GDPD5: variants seen among roughly 807,000 people sequenced by gnomAD.
GDPD5 encodes glycerophosphodiester phosphodiesterase 2.
A neutral mutation model predicts 75.1 loss-of-function variants in GDPD5; 48 were observed. The observed-to-expected ratio is 0.64, with a 90% confidence interval of 0.51 to 0.81. The LOEUF (loss-of-function observed/expected upper bound fraction) is 0.81. GDPD5 is among the 40% of genes least tolerant of loss of function. The pLI is 0.00. For missense variants in GDPD5, 706 were observed against 822.6 expected (o/e 0.86, Z 1.73); for synonymous variants, 336 against 339.0 (o/e 0.99, Z 0.10).
chr11:75,522,188 T>C (rs1941487005), intron 1 of GDPD5, among the ~76,000 whole-genome samples: 1 of 152,182 alleles, frequency 6.6e-6, no homozygotes. Context: ...AAGTGCCGTG[T>C]GTTTCACACA....
At chr11:75,499,988 T>C (rs1362625476) in intron 1 of GDPD5, among the ~76,000 whole-genome samples, 1 of 152,144 alleles carries the variant, frequency 6.6e-6, no homozygotes, top group Non-Finnish European at 1.5e-5. Flanking sequence ...GCTACCACCA[T>C]ACCCTGCAGA....
rs1351895828 is a variant in GDPD5 at position 75,442,814 on chromosome 11, C to T, written c.949-233G>A. The T allele has an allele frequency of 2.2e-5, 13 of 604,396 alleles. No individual in the cohort carries two copies. The East Asian group carries it at 2.8e-4, about 13-fold the overall frequency. 37.4% of individuals were successfully genotyped at this position (604,396 alleles called of 1,614,324 possible). ...CGGCTTGCTTGGAATCGCTCCCAGA[C>T]CCACAGCATTTCTCCTTCTAGAGCA... On this transcript the variant is annotated intron_variant, in intron 11 of 16. Coordinates refer to ENST00000336898, the MANE Select transcript of GDPD5 (RefSeq NM_030792.8).
chr11:75,500,104 C>A (rs957448061), intron 1 of GDPD5, among the ~76,000 whole-genome samples: 1 of 152,306 alleles, frequency 6.6e-6, no homozygotes, highest in East Asian at 1.9e-4. Flanking sequence ...AGCACCACCC[C>A]CTCCAGGCAC....
chr11:75,469,120 T>C (rs945031286), intron 3 of GDPD5, among the ~76,000 whole-genome samples: 1 of 152,214 alleles, frequency 6.6e-6, no homozygotes, highest in East Asian at 1.9e-4. Context: ...GCCAGGTTGA[T>C]TGCCTTCCCC....
chr11:75,448,083 C>T (rs1002991272), intron 9 of GDPD5, among the ~76,000 whole-genome samples: 21 of 152,270 alleles, frequency 1.4e-4, no homozygotes, highest in African/African-American at 5.1e-4. Context: ...TGTGAGACCC[C>T]CTTACTACCC....
At chr11:75,514,772 T>C (rs139574622) in intron 1 of GDPD5, among the ~76,000 whole-genome samples, 1 of 152,300 alleles carries the variant, frequency 6.6e-6, no homozygotes, top group East Asian at 1.9e-4. Context: ...TGGACTTCAA[T>C]TAGTCTCAAG....
At chr11:75,497,078 C>A (rs543294861) in intron 1 of GDPD5, among the ~76,000 whole-genome samples, 1 of 152,010 alleles carries the variant, frequency 6.6e-6, no homozygotes, top group Non-Finnish European at 1.5e-5. Flanking sequence ...CCACCATGTC[C>A]GGCTGCAGTA....
chr11:75,439,060 T>A (rs1397202441), intron 15 of GDPD5, among the ~76,000 whole-genome samples: 4 of 152,054 alleles, frequency 2.6e-5, no homozygotes, highest in Non-Finnish European at 5.9e-5. Context: ...GACACTTTGG[T>A]GCAGAGAGGG....
intron 12 of GDPD5, 53 bp downstream of exon 12, chr11:75,442,310 G>A: frequency 7.4e-7 from 1 of 1,352,138 alleles, no homozygotes; most frequent in Non-Finnish European, 1.0e-6. Flanking sequence ...GCAGCAGCAG[G>A]GCTCTAGCCA....
intron 14 of GDPD5, among the ~76,000 whole-genome samples, chr11:75,440,349 C>T (rs1207542426): frequency 6.6e-6 from 1 of 152,138 alleles, no homozygotes; most frequent in Admixed American, 6.5e-5. Context: ...TTTCCCCAGG[C>T]TGCCTTCCCT....
chr11:75,455,191 T>C, intron 6 of GDPD5: 2 of 421,162 alleles, frequency 4.7e-6, no homozygotes, highest in Non-Finnish European at 9.5e-6. Context: ...GAATCAAGCA[T>C]GTGTGACCTT....
chr11:75,453,358 C>T (rs898592423), intron 6 of GDPD5, among the ~76,000 whole-genome samples: 9 of 152,162 alleles, frequency 5.9e-5, no homozygotes, highest in African/African-American at 2.2e-4. Context: ...GTGGATCATG[C>T]CTGTAGTCCC....
intron 2 of GDPD5, among the ~76,000 whole-genome samples, chr11:75,479,990 T>C (rs1949871525): frequency 6.6e-6 from 1 of 152,226 alleles, no homozygotes; most frequent in Non-Finnish European, 1.5e-5. Context: ...TTTGGGTTGT[T>C]ATACATAATG....
At chr11:75,468,679 G>GC (rs71036054) in intron 3 of GDPD5, among the ~76,000 whole-genome samples, 3,568 of 144,408 alleles carry the variant, frequency 0.025, 76 homozygotes, top group Middle Eastern at 0.065. Flanking sequence ...CTCCCCCGAC[G>GC]CCCCCCCCCC....
rs762768246 is a variant in GDPD5 at position 75,437,009 on chromosome 11, C to T, written c.1596G>A (p.Gln532=). ...GGCGCACCGCAGCACTCAGCATGAT[C>T]TGCTCAGGGTTGTAGCTCCGTATGC... ...LGGIRSYNPE[Q]IMLSAAVRRT... Residue 532 remains glutamine (Q), a synonymous_variant, in exon 16 of 17, where the codon CAG becomes CAA. Transcript: ENST00000336898. 1 of 1,613,530 alleles carries T rather than the reference C, an allele frequency of 6.2e-7. No individual in the cohort carries two copies. The highest frequency in any genetic ancestry group is 1.1e-5 in the South Asian group (1 of 91,086).
intron 3 of GDPD5, among the ~76,000 whole-genome samples, chr11:75,463,123 C>T (rs577581571): frequency 1.4e-4 from 22 of 152,348 alleles, no homozygotes; most frequent in African/African-American, 4.8e-4. Context: ...AGGGCCTCCC[C>T]CCCTGGGGCT....
intron 5 of GDPD5, 119 bp downstream of exon 5, chr11:75,457,574 T>C: frequency 3.0e-6 from 2 of 668,724 alleles, no homozygotes; most frequent in South Asian, 4.0e-5. Context: ...AATACAATAT[T>C]CCTACAAATA....
At chr11:75,510,592 CT>C (rs1950493521) in intron 1 of GDPD5, among the ~76,000 whole-genome samples, 1 of 152,200 alleles carries the variant, frequency 6.6e-6, no homozygotes, top group African/African-American at 2.4e-5. Context: ...GTGCTGCCTC[CT>C]TTCACCTCTG....
chr11:75,500,406 G>A (rs1950284731), intron 1 of GDPD5, among the ~76,000 whole-genome samples: 1 of 152,166 alleles, frequency 6.6e-6, no homozygotes, highest in African/African-American at 2.4e-5. Context: ...GCTTCTGTGT[G>A]GGTAAATCCA....
Sources: gnomAD v4.1 joint callset for allele counts (sites outside exome capture counted in the v4.1 genomes callset) on GRCh38, gnomAD v4.1.1 for gene constraint, MANE v1.5 for transcripts, NCBI Gene and HGNC (gene_info 2026-07-23, HGNC 2026-07-21) for gene names.